The following GFRA3 variants were observed in gnomAD, a reference collection of about 807,000 sequenced individuals.
GFRA3 encodes the protein GDNF family receptor alpha-3.
A neutral mutation model predicts 40.0 loss-of-function variants in GFRA3; 24 were observed. That is an observed-to-expected ratio of 0.60 (90% CI 0.43 to 0.84). GFRA3 has a LOEUF of 0.84. GFRA3 is among the 40% of genes least tolerant of loss of function. The probability of loss-of-function intolerance (pLI) is 0.00; values close to 1 mark genes in which losing one functional copy is unlikely to be tolerated. For missense variants in GFRA3, 405 were observed against 530.6 expected, an observed-to-expected ratio of 0.76 and a Z score of 2.33; for synonymous variants, 203 against 213.5, an observed-to-expected ratio of 0.95 and a Z score of 0.43.
Position 138,252,794 on chromosome 5 carries a change from G to A in GFRA3, c.*174C>T, listed in dbSNP as rs577113888. 1 of 518,522 alleles carries A rather than the reference G, an allele frequency of 1.9e-6. No individual in the cohort carries two copies. The highest frequency in any genetic ancestry group is 2.8e-5 in the South Asian group (1 of 35,506). 32.1% of individuals were successfully genotyped at this position (518,522 alleles called of 1,614,324 possible). ...AGCATGAATCAGAAGTGGAGATGGG[G>A]TGGAGGGAATGAGGACTGGACCAGT... On this transcript the variant is annotated 3_prime_UTR_variant, in exon 8 of 8. Coordinates refer to ENST00000274721, the MANE Select transcript of GFRA3 (RefSeq NM_001496.4).
At chr5:138,254,189 T>TA in intron 4 of GFRA3, 29 bp from the exon 5 acceptor site, 1 of 803,404 alleles carries the variant, frequency 1.2e-6, no homozygotes, top group Non-Finnish European at 1.8e-6. Context: ...CTGTCTTTCT[T>TA]TTTTTTTTTT....
At position 138,253,876 on chromosome 5, in the gene GFRA3, A is replaced by G; in HGVS notation, c.914T>C (p.Val305Ala). The G allele has an allele frequency of 1.2e-6, 2 of 1,614,096 alleles. No individual in the cohort carries two copies. The highest frequency in any genetic ancestry group is 1.7e-5 in the Admixed American group (1 of 60,014). ...LIGTAMTPNFVSNVNTSVALS... is the reference protein window; with the variant it reads ...LIGTAMTPNFASNVNTSVALS... ...GGCAACACTGGTGTTGACATTGCTG[A>G]CAAAGTTGGGGGTCATGGCAGTCCC... The change falls in exon 6 of 8, where the codon GTC (valine) becomes GCC (alanine). Residue 305 changes from valine (V) to alanine (A), a missense_variant. Physicochemically the swap from Val to Ala is moderately conservative, Grantham distance 64 (BLOSUM62 0). Transcript: ENST00000274721.
At chr5:138,253,428 C>T in intron 6 of GFRA3, 53 bp from the exon 7 acceptor site, 1 of 1,171,128 alleles carries the variant, frequency 8.5e-7, no homozygotes, top group South Asian at 1.3e-5. Context: ...GGAGATTTCT[C>T]AGGCTCCCAA....
At position 138,257,735 on chromosome 5, in the gene GFRA3, C is replaced by T. The variant is rs2126612789; in HGVS notation, c.689G>A (p.Arg230His). The change falls in exon 4 of 8, where the codon CGC becomes CAC. Residue 230 changes from arginine to histidine, a missense_variant. Coordinates refer to ENST00000274721, the MANE Select transcript of GFRA3 (RefSeq NM_001496.4). ...GTTGGGGGCGATGGTGTTGCGCCGGCGCTCCCCGCAGCCCCGGTCGTTGGG... is the reference window on the plus strand; with the variant it reads ...GTTGGGGGCGATGGTGTTGCGCCGGTGCTCCCCGCAGCCCCGGTCGTTGGG... The part of the protein sequence containing the change: ...CAPNDRGCGE[R>H]RRNTIAPNCA... 2 of 1,609,484 alleles carry T rather than the reference C, an allele frequency of 1.2e-6. No homozygotes were observed. Among genetic ancestry groups the T allele is most frequent in the Non-Finnish European group, 8.5e-7 (1 of 1,178,020 alleles).
intron 1 of GFRA3, among the ~76,000 whole-genome samples, chr5:138,268,415 A>T (rs1310842047): frequency 1.3e-5 from 2 of 151,336 alleles, no homozygotes; most frequent in Non-Finnish European, 3.0e-5. Context: ...AATGCAAAAA[A>T]AAAAAAAAAA....
chr5:138,252,911 TG>T lies in GFRA3; in HGVS notation c.*56del, dbSNP rs762884211. 3.2e-6 allele frequency: 3 copies of T among 928,424 alleles called. No homozygotes were observed. The highest frequency in any genetic ancestry group is 3.6e-6 in the Non-Finnish European group (2 of 562,430). 57.5% of individuals were successfully genotyped at this position (928,424 alleles called of 1,614,324 possible). A position where few individuals can be genotyped will look rare whatever the true frequency, so the allele number is the denominator to read the frequency against. On this transcript the variant is annotated 3_prime_UTR_variant, in exon 8 of 8. Transcript: ENST00000274721. Reference sequence around the variant, plus strand: ...GCTGCTGTCCTTTCCTCACCCCTTGTGGGCTGCAAGTCCACCTGGGTGTGGT... The same window carrying T: ...GCTGCTGTCCTTTCCTCACCCCTTGTGGCTGCAAGTCCACCTGGGTGTGGT...
chr5:138,255,012 AAG>A (rs1279129543), intron 4 of GFRA3, among the ~76,000 whole-genome samples: 3 of 135,642 alleles, frequency 2.2e-5, no homozygotes, highest in Non-Finnish European at 1.7e-5. Context: ...AGAAGGAAGG[AAG>A]GAGAGAGAGA....
chr5:138,266,224 G>A (rs914411526), intron 1 of GFRA3, among the ~76,000 whole-genome samples: 6 of 152,090 alleles, frequency 3.9e-5, no homozygotes, highest in African/African-American at 1.4e-4. Flanking sequence ...GTAATTCTAT[G>A]TTTAACTTTT....
intron 4 of GFRA3, among the ~76,000 whole-genome samples, chr5:138,256,566 C>T (rs1435896333): frequency 1.5e-5 from 2 of 135,534 alleles, no homozygotes; most frequent in Non-Finnish European, 3.3e-5. Context: ...AAAAAAAAAA[C>T]AAAACAAAAA....
chr5:138,269,757 C>T (rs1337982392), intron 1 of GFRA3, among the ~76,000 whole-genome samples: 1 of 149,362 alleles, frequency 6.7e-6, no homozygotes, highest in Non-Finnish European at 1.5e-5. Flanking sequence ...GCAGGAGAAT[C>T]GCTTGAACCT....
chr5:138,258,228 C>G (rs1393258697), intron 3 of GFRA3, among the ~76,000 whole-genome samples: 2 of 127,478 alleles, frequency 1.6e-5, no homozygotes, highest in Non-Finnish European at 3.1e-5. Flanking sequence ...TTGGCCAAGC[C>G]GAAGTGCAAT....
At position 138,261,478 on chromosome 5, in the gene GFRA3, G is replaced by A. The variant is rs145837692; in HGVS notation, c.380-1829C>T. 5.5e-4 allele frequency among the ~76,000 whole-genome samples: 83 copies of A among 152,074 alleles called. No homozygotes were observed. In the East Asian group the frequency reaches 0.015, roughly 28 times the overall value. Reference sequence around the variant, plus strand: ...TGGGAGGCCGAGGCAGGCAGATCACGAGGTCAGGAGTTCAAGACCAGCCTG... The same window carrying A: ...TGGGAGGCCGAGGCAGGCAGATCACAAGGTCAGGAGTTCAAGACCAGCCTG... On this transcript the variant is annotated intron_variant, in intron 2 of 7. Coordinates refer to ENST00000274721, the MANE Select transcript of GFRA3 (RefSeq NM_001496.4).
At position 138,274,404 on chromosome 5, in the gene GFRA3, C is replaced by G; in HGVS notation, c.21G>C (p.Pro7=). Residue 7 remains proline (P), a synonymous_variant, in exon 1 of 8, where the codon CCG becomes CCC. Transcript: ENST00000274721. ...TCAGGACTACGGGCGGCAGCGGTCG[C>G]GGGTTCAGGGGGCGCACCATGGCGA... MVRPLN[P]RPLPPVVLML... 7.6e-7 allele frequency: 1 copy of G among 1,312,710 alleles called. No individual in the cohort carries two copies. Among genetic ancestry groups the G allele is most frequent in the Non-Finnish European group, 9.7e-7 (1 of 1,026,002 alleles). 81.3% of individuals were successfully genotyped at this position (1,312,710 alleles called of 1,614,324 possible).
intron 1 of GFRA3, among the ~76,000 whole-genome samples, chr5:138,266,126 T>G (rs1428995282): frequency 6.6e-6 from 1 of 152,240 alleles, no homozygotes; most frequent in Non-Finnish European, 1.5e-5. Flanking sequence ...AGCGCTTTGA[T>G]GAACATTTCA....
At chr5:138,271,905 TTTTTTTTTTGTG>T (rs1273362992) in intron 1 of GFRA3, among the ~76,000 whole-genome samples, 1 of 96,910 alleles carries the variant, frequency 1.0e-5, no homozygotes, top group Non-Finnish European at 2.2e-5. Flanking sequence ...TTTTTTTTTT[TTTTTTTTTTGTG>T]TGTGTGTGTG....
In GFRA3 at chr5:138,252,765, G is replaced by A. The variant is rs766871060; in HGVS notation, c.*203C>T. ...TGGCTAAATTGTGGCCACCAAGGAG[G>A]GGCAGCATGAATCAGAAGTGGAGAT... On this transcript the variant is annotated 3_prime_UTR_variant, in exon 8 of 8. Coordinates refer to ENST00000274721, the MANE Select transcript of GFRA3 (RefSeq NM_001496.4). The A allele has an allele frequency of 1.9e-5, 9 of 477,770 alleles. No homozygotes were observed. The highest frequency in any genetic ancestry group is 3.2e-5 in the South Asian group (1 of 30,792). 29.6% of individuals were successfully genotyped at this position (477,770 alleles called of 1,614,324 possible).
intron 2 of GFRA3, among the ~76,000 whole-genome samples, chr5:138,259,872 T>C (rs1755685966): frequency 6.6e-6 from 1 of 152,122 alleles, no homozygotes; most frequent in Admixed American, 6.5e-5. Flanking sequence ...CTACCATTTG[T>C]TAAGCACACT....
At position 138,257,860 on chromosome 5, in the gene GFRA3, C is replaced by A. The variant is rs768991224; in HGVS notation, c.564G>T (p.Gly188=). The part of the protein sequence containing the change: ...LRKAYGEACS[G]PHCQRHVCLR... ...GGCAGACGTGGCGCTGGCAGTGGGGCCCGGAGCACGCCTCCCCGTAGGCCT... is the reference window on the plus strand; with the variant it reads ...GGCAGACGTGGCGCTGGCAGTGGGGACCGGAGCACGCCTCCCCGTAGGCCT... Residue 188 remains glycine (G), a synonymous_variant, in exon 4 of 8, where the codon GGG becomes GGT. Coordinates refer to ENST00000274721, the MANE Select transcript of GFRA3 (RefSeq NM_001496.4). 4 of 1,613,884 alleles carry A rather than the reference C, an allele frequency of 2.5e-6. No homozygotes were observed. Among genetic ancestry groups the A allele is most frequent in the Non-Finnish European group, 2.5e-6 (3 of 1,179,910 alleles).
chr5:138,268,350 A>G (rs1321286466), intron 1 of GFRA3, among the ~76,000 whole-genome samples: 1 of 150,986 alleles, frequency 6.6e-6, no homozygotes, highest in African/African-American at 2.4e-5. Context: ...AACATTGGAA[A>G]AATCCTTCTA....
Sources: gnomAD v4.1 joint callset for allele counts (sites outside exome capture counted in the v4.1 genomes callset) on GRCh38, gnomAD v4.1.1 for gene constraint, MANE v1.5 for transcripts, NCBI Gene and HGNC (gene_info 2026-07-23, HGNC 2026-07-21) for gene names.